THOP1: variants seen among roughly 807,000 people sequenced by gnomAD.
THOP1 encodes the protein thimet oligopeptidase.
In THOP1, 49 loss-of-function variants were observed where a neutral mutation model predicts 71.8. The ratio of observed to expected loss-of-function variants is 0.68; its 90% CI spans 0.54 to 0.87. The LOEUF is 0.87. Ranked by LOEUF, THOP1 falls within the 40% of genes least tolerant of loss-of-function variation. THOP1 has a pLI of 0.00. For synonymous variants in THOP1, 426 were observed against 421.5 expected, an observed-to-expected ratio of 1.01 and a Z score of -0.13; for missense variants, 843 against 975.6, an observed-to-expected ratio of 0.86 and a Z score of 1.81.
rs1056788689 is a variant in THOP1, at chr19:2,807,008, A to G, written c.842A>G (p.Glu281Gly). 6.2e-7 allele frequency: 1 copy of G among 1,612,752 alleles called. No homozygotes were observed. The highest frequency in any genetic ancestry group is 1.3e-5 in the African/African-American group (1 of 74,896). ...GFHTHADYVL[E>G]MNMAKTSQTV... is the part of the protein sequence containing the mutation. ...CACACGCACGCCGACTATGTCCTGG[A>G]GATGAACATGGCCAAGACCAGCCAG... The change falls in exon 7 of 13, where the codon GAG (glutamate) becomes GGG (glycine). Residue 281 changes from glutamate (E) to glycine (G), a missense_variant. Transcript: ENST00000307741.
chr19:2,803,615 G>A (rs941002346), intron 5 of THOP1, among the ~76,000 whole-genome samples: 13 of 152,222 alleles, frequency 8.5e-5, no homozygotes, highest in Non-Finnish European at 1.9e-4. Context: ...GTGACACACT[G>A]TCGAGATGGA....
At chr19:2,800,748 C>T (rs750142120) in intron 5 of THOP1, among the ~76,000 whole-genome samples, 1 of 152,222 alleles carries the variant, frequency 6.6e-6, no homozygotes, top group Admixed American at 6.5e-5. Flanking sequence ...TCAGGAGAGA[C>T]GACGGGCTAC....
chr19:2,799,582 C>A, intron 4 of THOP1, 107 bp from the exon 5 acceptor site: 1 of 889,240 alleles, frequency 1.1e-6, no homozygotes, highest in Non-Finnish European at 1.8e-6. Context: ...CGGCCTGGTT[C>A]TTGGGGAAAT....
chr19:2,794,067 T>G (rs898108379), intron 2 of THOP1, among the ~76,000 whole-genome samples: 1 of 150,674 alleles, frequency 6.6e-6, no homozygotes, highest in African/African-American at 2.4e-5. Flanking sequence ...CAGGCTGGAG[T>G]GCAGTGGTAC....
At chr19:2,795,312 C>T (rs755199066) in intron 3 of THOP1, among the ~76,000 whole-genome samples, 5 of 152,268 alleles carry the variant, frequency 3.3e-5, no homozygotes, top group Non-Finnish European at 7.3e-5. Flanking sequence ...GACCCAAACA[C>T]CCCATCCCCA....
intron 3 of THOP1, among the ~76,000 whole-genome samples, chr19:2,795,440 C>T (rs1915991400): frequency 6.6e-6 from 1 of 152,240 alleles, no homozygotes; most frequent in Non-Finnish European, 1.5e-5. Context: ...AGGAGAGACC[C>T]AGAGACCCTC....
rs967626749 is a variant in THOP1 at position 2,805,734 on chromosome 19, C to T, written c.750+558C>T. Among the ~76,000 whole-genome samples the T allele has an allele frequency of 2.0e-5, 3 of 152,156 alleles. No homozygotes were observed. Among genetic ancestry groups the T allele is most frequent in the Non-Finnish European group, 4.4e-5 (3 of 68,026 alleles). On this transcript the variant is annotated intron_variant, in intron 6 of 12. Transcript: ENST00000307741. The surrounding 1 kb of genome is among the most constrained non-coding windows in gnomAD (Gnocchi z 6.6). ...AGGAGTGGGCCTCTTGGTCCCCTGA[C>T]GACACCAAGTTGGTGCTTGTGCGGC...
At chr19:2,791,424 A>AGC (rs1915875715) in intron 2 of THOP1, among the ~76,000 whole-genome samples, 1 of 152,100 alleles carries the variant, frequency 6.6e-6, no homozygotes, top group Non-Finnish European at 1.5e-5. Flanking sequence ...CATCCCCTGA[A>AGC]AGGGTTGGCC....
At chr19:2,812,150 T>C (rs1916493371) in intron 12 of THOP1, 3 of 1,465,326 alleles carry the variant, frequency 2.0e-6, no homozygotes, top group Admixed American at 2.3e-5. Context: ...CAGACCCTTC[T>C]CTGGAGAAGG....
At chr19:2,799,845 G>C in intron 5 of THOP1, 54 bp downstream of exon 5, 3 of 1,496,362 alleles carry the variant, frequency 2.0e-6, no homozygotes, top group Non-Finnish European at 1.9e-6. Context: ...ACTCAGTGCA[G>C]GCCTGCCAGG....
chr19:2,800,749 G>A (rs1042089333), intron 5 of THOP1, among the ~76,000 whole-genome samples: 3 of 152,212 alleles, frequency 2.0e-5, no homozygotes, highest in African/African-American at 7.2e-5. Context: ...CAGGAGAGAC[G>A]ACGGGCTACA....
chr19:2,796,031 G>A (rs373731326), intron 3 of THOP1, 50 bp from the exon 4 acceptor site: 10 of 1,476,728 alleles, frequency 6.8e-6, no homozygotes, highest in Admixed American at 1.7e-5. Flanking sequence ...CTGCTCTTTG[G>A]AGCGGCTGCA....
Position 2,813,446 on chromosome 19 carries a change from GGCT to G in THOP1, c.*171_*173del. 1 of 825,904 alleles carries G rather than the reference GGCT, an allele frequency of 1.2e-6. No homozygotes were observed. Among genetic ancestry groups the G allele is most frequent in the Non-Finnish European group, 1.8e-6 (1 of 553,926 alleles). The allele number at this position is 825,904 out of a possible 1,614,324, so 51.2% of individuals were successfully genotyped here. A position where few individuals can be genotyped will look rare whatever the true frequency, so the allele number is the denominator to read the frequency against. On this transcript the variant is annotated 3_prime_UTR_variant, in exon 13 of 13. Transcript: ENST00000307741. ...GTCCCCACCCGGTCGTGGCCCACCC[GGCT>G]AGAGACGGCGTCCTCAAGGCATCTG...
intron 6 of THOP1, chr19:2,806,113 C>G (rs1357384562): frequency 6.6e-6 from 1 of 152,434 alleles, no homozygotes; most frequent in Admixed American, 6.5e-5. Flanking sequence ...GTGGCCTGCC[C>G]TCTACATGTT....
intron 2 of THOP1, among the ~76,000 whole-genome samples, chr19:2,794,466 C>T (rs1416724512): frequency 6.6e-6 from 1 of 152,246 alleles, no homozygotes; most frequent in African/African-American, 2.4e-5. Context: ...TCTGTTTCGT[C>T]GTACCCAGCT....
At chr19:2,799,650 C>G (rs371746506) in intron 4 of THOP1, 39 bp from the exon 5 acceptor site, 7 of 1,553,466 alleles carry the variant, frequency 4.5e-6, no homozygotes, top group Non-Finnish European at 6.2e-6. Flanking sequence ...GAGCCCGCCC[C>G]GGTCTCTCCC....
chr19:2,788,878 G>A (rs1392516487), intron 1 of THOP1, among the ~76,000 whole-genome samples: 9 of 151,420 alleles, frequency 5.9e-5, no homozygotes, highest in Admixed American at 4.6e-4. Flanking sequence ...TTCCTGTCTC[G>A]GCCTCCAGAG....
intron 2 of THOP1, 72 bp downstream of exon 2, chr19:2,790,705 C>T (rs1915856938): frequency 7.2e-7 from 1 of 1,386,454 alleles, no homozygotes; most frequent in African/African-American, 1.5e-5. Context: ...GGGAGTAGCC[C>T]AGCCCGTGGA....
intron 4 of THOP1, 151 bp from the exon 5 acceptor site, chr19:2,799,538 G>A (rs1383684999): frequency 1.8e-5 from 11 of 618,494 alleles, no homozygotes; most frequent in East Asian, 5.7e-5. Context: ...TCCGCCTCCC[G>A]TCTCACTCTT....
Sources: gnomAD v4.1 joint callset for allele counts (sites outside exome capture counted in the v4.1 genomes callset) on GRCh38, gnomAD v4.1.1 for gene constraint, Gnocchi (gnomAD v3.1) non-coding constraint, MANE v1.5 for transcripts, NCBI Gene and HGNC (gene_info 2026-07-23, HGNC 2026-07-21) for gene names.